ADAMTSL3: variants seen among roughly 807,000 people sequenced by gnomAD.
The protein encoded by ADAMTSL3 is ADAMTS-like protein 3.
A neutral mutation model predicts 201.7 loss-of-function variants in ADAMTSL3; 128 were observed. The observed-to-expected ratio is 0.63, with a 90% CI of 0.55 to 0.73. ADAMTSL3 has a LOEUF of 0.73. Among genes scored for constraint, ADAMTSL3 ranks in the 30% least tolerant of loss-of-function variants. The pLI, the probability that ADAMTSL3 is intolerant of heterozygous loss-of-function variation, is 0.00. For missense variants in ADAMTSL3, 1,990 were observed against 2,119.6 expected, an observed-to-expected ratio of 0.94 and a Z score of 1.20; for synonymous variants, 738 against 748.4, an observed-to-expected ratio of 0.99 and a Z score of 0.23.
At chr15:83,697,657 A>G (rs1013207096) in intron 2 of ADAMTSL3, among the ~76,000 whole-genome samples, 1 of 152,194 alleles carries the variant, frequency 6.6e-6, no homozygotes, top group Non-Finnish European at 1.5e-5. Context: ...GAGGTCTGGA[A>G]GGAGGTCCCA....
At position 84,031,452 on chromosome 15, in the gene ADAMTSL3, G is replaced by A. The variant is rs770596741; in HGVS notation, c.4754+20G>A. 19 of 1,605,536 alleles carry A rather than the reference G, an allele frequency of 1.2e-5. No individual in the cohort carries two copies. In the African/African-American group the frequency reaches 2.3e-4, roughly 19 times the overall value. On this transcript the variant is annotated intron_variant, in intron 28 of 29. Coordinates refer to ENST00000286744, the MANE Select transcript of ADAMTSL3 (RefSeq NM_207517.3). ...AAAGAGGTAGGGGCCCCACCCCAGA[G>A]CAGCACACATTCTCTCCTGACTCAC...
intron 8 of ADAMTSL3, among the ~76,000 whole-genome samples, chr15:83,867,041 A>T (rs2064994136): frequency 6.6e-6 from 1 of 152,214 alleles, no homozygotes; most frequent in African/African-American, 2.4e-5. Context: ...AACATTTCTG[A>T]ATATCTAAAT....
At chr15:83,789,885 A>G (rs2063318781) in intron 4 of ADAMTSL3, among the ~76,000 whole-genome samples, 4 of 152,074 alleles carry the variant, frequency 2.6e-5, no homozygotes, top group Admixed American at 2.6e-4. Flanking sequence ...TTTGACCCCA[A>G]CTTTATCCTG....
intron 4 of ADAMTSL3, among the ~76,000 whole-genome samples, chr15:83,796,489 A>G (rs78480171): frequency 0.062 from 9,376 of 152,254 alleles, 372 homozygotes; most frequent in East Asian, 0.18. Context: ...GAAGATTTAG[A>G]TGCTTACCTA....
intron 2 of ADAMTSL3, among the ~76,000 whole-genome samples, chr15:83,687,529 T>C (rs2061554363): frequency 2.0e-5 from 3 of 152,118 alleles, no homozygotes; most frequent in Admixed American, 2.0e-4. Flanking sequence ...CCCTATCTTG[T>C]TCCTTCCATC....
In ADAMTSL3 at chr15:83,913,185, G is replaced by A. The variant is rs764442591; in HGVS notation, c.1794G>A (p.Thr598=). Residue 598 remains threonine (T), a synonymous_variant, in exon 16 of 30, where the codon ACG becomes ACA. Coordinates refer to ENST00000286744, the MANE Select transcript of ADAMTSL3 (RefSeq NM_207517.3). ...EVKCRVLLTF[T]QTETELPEEE... ...AGTGCCGTGTGCTCCTCACATTCAC[G>A]CAGACTGAGACTGAGCTGCCCGAGG... 9 of 1,614,150 alleles carry A rather than the reference G, an allele frequency of 5.6e-6. No homozygotes were observed. The highest frequency in any genetic ancestry group is 1.3e-5 in the African/African-American group (1 of 75,038).
chr15:83,783,740 A>G (rs1216648028), intron 4 of ADAMTSL3, among the ~76,000 whole-genome samples: 1 of 152,096 alleles, frequency 6.6e-6, no homozygotes, highest in Non-Finnish European at 1.5e-5. Flanking sequence ...CATATTAGAA[A>G]AGAAAAATTG....
chr15:83,673,799 A>G (rs2061358159), intron 2 of ADAMTSL3, among the ~76,000 whole-genome samples: 1 of 152,218 alleles, frequency 6.6e-6, no homozygotes, highest in Non-Finnish European at 1.5e-5. Context: ...AATCCCTGAT[A>G]AGGTCAAGAA....
At chr15:83,962,810 G>C (rs955767677) in intron 19 of ADAMTSL3, among the ~76,000 whole-genome samples, 1 of 152,202 alleles carries the variant, frequency 6.6e-6, no homozygotes, top group Non-Finnish European at 1.5e-5. Flanking sequence ...ATGTCCAACA[G>C]AGGTACTGGC....
At chr15:83,759,841 A>C (rs540556670) in intron 3 of ADAMTSL3, among the ~76,000 whole-genome samples, 1 of 152,170 alleles carries the variant, frequency 6.6e-6, no homozygotes, top group Non-Finnish European at 1.5e-5. Flanking sequence ...AATATATTTC[A>C]TAATATGAAA....
At position 83,676,622 on chromosome 15, in the gene ADAMTSL3, G is replaced by A. The variant is rs112652536; in HGVS notation, c.69+20792G>A. Among the ~76,000 whole-genome samples, 687 of 152,324 alleles carry A rather than the reference G, an allele frequency of 4.5e-3. 8 individuals are homozygous for A. Among genetic ancestry groups the A allele is most frequent in the African/African-American group, 0.015 (640 of 41,572 alleles). On this transcript the variant is annotated intron_variant, in intron 2 of 29. Transcript: ENST00000286744. ...GAACCCGGGAAGGGGAGCTTGCAGT[G>A]AGCGGAGATTGCACCGCTGCACTCC...
chr15:83,695,255 T>TGTATGTA (rs1567078500), intron 2 of ADAMTSL3, among the ~76,000 whole-genome samples: 2 of 212 alleles, frequency 9.4e-3, no homozygotes, highest in East Asian at 0.1. Flanking sequence ...TGTGTGTGTG[T>TGTATGTA]GTGTGTGGTG....
intron 17 of ADAMTSL3, among the ~76,000 whole-genome samples, chr15:83,926,381 G>T (rs2066245291): frequency 6.6e-6 from 1 of 152,188 alleles, no homozygotes; most frequent in Non-Finnish European, 1.5e-5. Flanking sequence ...TGGAGGGTTT[G>T]AGCAATGAAG....
intron 9 of ADAMTSL3, among the ~76,000 whole-genome samples, chr15:83,876,310 C>T (rs1013596048): frequency 3.3e-5 from 5 of 151,786 alleles, no homozygotes; most frequent in Non-Finnish European, 4.4e-5. Context: ...TTGTTTTGTT[C>T]GTTAACTCAG....
At chr15:83,814,962 A>G (rs1345357919) in intron 5 of ADAMTSL3, among the ~76,000 whole-genome samples, 2 of 152,092 alleles carry the variant, frequency 1.3e-5, no homozygotes, top group African/African-American at 4.8e-5. Context: ...ACATATCCCC[A>G]TGGTTTTAGG....
intron 19 of ADAMTSL3, among the ~76,000 whole-genome samples, chr15:83,967,480 A>G (rs112409013): frequency 0.29 from 43,893 of 152,090 alleles, 6,690 homozygotes; most frequent in African/African-American, 0.36. Flanking sequence ...AAGGATGTGA[A>G]GGACCTCTTC....
chr15:83,969,134 C>T (rs1271064200), intron 19 of ADAMTSL3, among the ~76,000 whole-genome samples: 1 of 152,042 alleles, frequency 6.6e-6, no homozygotes, highest in African/African-American at 2.4e-5. Flanking sequence ...CACATGTATC[C>T]CAGAACTTAA....
intron 4 of ADAMTSL3, among the ~76,000 whole-genome samples, chr15:83,783,046 T>C (rs2141795697): frequency 6.7e-6 from 1 of 148,278 alleles, no homozygotes; most frequent in East Asian, 1.9e-4. Flanking sequence ...ATATATACTG[T>C]TTAGCGCAAT....
intron 25 of ADAMTSL3, among the ~76,000 whole-genome samples, chr15:84,016,867 GA>G (rs1435983903): frequency 1.3e-5 from 2 of 151,992 alleles, no homozygotes; most frequent in African/African-American, 4.8e-5. Flanking sequence ...CTTTTTTCAA[GA>G]CATAGTTTTC....
Sources: allele counts gnomAD v4.1 joint callset (sites outside exome capture counted in the v4.1 genomes callset), GRCh38; gene constraint gnomAD v4.1.1; transcripts MANE v1.5; gene names NCBI Gene and HGNC (gene_info 2026-07-23, HGNC 2026-07-21).